Variants in CADM2 observed in about 807,000 individuals in gnomAD.
The protein encoded by CADM2 is cell adhesion molecule 2, also known as immunoglobulin superfamily member 4D.
In CADM2, 12 loss-of-function variants were observed where a neutral mutation model predicts 49.8. The ratio of observed to expected loss-of-function variants is 0.24; its 90% CI spans 0.15 to 0.39. CADM2 has a LOEUF of 0.39. CADM2 is among the 10% of genes least tolerant of loss of function. The pLI is 1.00. For missense variants in CADM2, 378 were observed against 492.3 expected, an observed-to-expected ratio of 0.77 and a Z score of 2.20; for synonymous variants, 214 against 175.4, an observed-to-expected ratio of 1.22 and a Z score of -1.74.
intron 8 of CADM2, among the ~76,000 whole-genome samples, chr3:86,010,183 G>A (rs1240521715): frequency 3.3e-5 from 5 of 151,826 alleles, no homozygotes; most frequent in African/African-American, 1.2e-4. Context: ...AAAACATATA[G>A]GGAATTACAA....
chr3:85,173,714 T>G (rs1381559079), intron 1 of CADM2, among the ~76,000 whole-genome samples: 1 of 152,200 alleles, frequency 6.6e-6, no homozygotes, highest in Non-Finnish European at 1.5e-5. Flanking sequence ...AACCCTGCAG[T>G]AATATGAACA....
At chr3:85,563,257 C>T (rs2062150143) in intron 1 of CADM2, among the ~76,000 whole-genome samples, 1 of 151,962 alleles carries the variant, frequency 6.6e-6, no homozygotes, top group Admixed American at 6.6e-5. Flanking sequence ...AATGTGCTTA[C>T]CATAAAACTG....
chr3:85,529,751 C>T (rs775032564), intron 1 of CADM2, among the ~76,000 whole-genome samples: 7 of 151,952 alleles, frequency 4.6e-5, no homozygotes, highest in Non-Finnish European at 8.8e-5. Flanking sequence ...TTCCACTATC[C>T]GGGCCTCTGG....
At chr3:85,323,118 AT>A (rs1190576098) in intron 1 of CADM2, among the ~76,000 whole-genome samples, 2 of 152,010 alleles carry the variant, frequency 1.3e-5, no homozygotes, top group African/African-American at 4.8e-5. Flanking sequence ...TAGAGCTCCC[AT>A]CTTCTTGGAA....
chr3:85,163,604 C>G (rs2040388417), intron 1 of CADM2, among the ~76,000 whole-genome samples: 1 of 151,978 alleles, frequency 6.6e-6, no homozygotes. Flanking sequence ...TACATATATA[C>G]CATCCACATA....
chr3:85,593,372 C>A (rs1441045531), intron 1 of CADM2, among the ~76,000 whole-genome samples: 1 of 151,950 alleles, frequency 6.6e-6, no homozygotes, highest in Admixed American at 6.6e-5. Context: ...TGAATACCAT[C>A]TCTGTCAATT....
chr3:85,745,866 A>G (rs2068596444), intron 2 of CADM2, among the ~76,000 whole-genome samples: 1 of 151,760 alleles, frequency 6.6e-6, no homozygotes, highest in South Asian at 2.1e-4. Flanking sequence ...TTCCTTGTTA[A>G]TTTCTCTTTT....
chr3:85,344,696 G>A (rs550184846), intron 1 of CADM2, among the ~76,000 whole-genome samples: 158 of 151,870 alleles, frequency 1.0e-3, no homozygotes, highest in Non-Finnish European at 1.5e-3. Context: ...AGCAAAAGAC[G>A]TGTTCATTCT....
Position 85,935,810 on chromosome 3 carries a change from A to G in CADM2, c.744A>G (p.Gln248=). 1.2e-6 allele frequency: 2 copies of G among 1,607,480 alleles called. No homozygotes were observed. Among genetic ancestry groups the G allele is most frequent in the South Asian group, 1.1e-5 (1 of 90,462 alleles). ...VKIIPSTPFP[Q]EGQPLILTCE... is the part of the protein sequence containing the mutation. ...TTATACCATCGACTCCTTTTCCACAAGAAGGACAGCCTTTAATTTTGACTT... is the reference window on the plus strand; with the variant it reads ...TTATACCATCGACTCCTTTTCCACAGGAAGGACAGCCTTTAATTTTGACTT... Residue 248 remains glutamine (Q), a synonymous_variant, in exon 7 of 10, where the codon CAA becomes CAG. Transcript: ENST00000383699.
chr3:85,599,224 C>T (rs1032097103), intron 1 of CADM2, among the ~76,000 whole-genome samples: 6 of 151,966 alleles, frequency 3.9e-5, no homozygotes, highest in African/African-American at 1.4e-4. Context: ...CCTTTTAGAA[C>T]TACTTAATAT....
chr3:85,290,892 A>C (rs945601636), intron 1 of CADM2, among the ~76,000 whole-genome samples: 23 of 152,346 alleles, frequency 1.5e-4, no homozygotes, highest in African/African-American at 3.6e-4. Flanking sequence ...TCTCCTTCTC[A>C]AAAGGAACGC....
intron 1 of CADM2, among the ~76,000 whole-genome samples, chr3:85,351,815 A>G (rs971103899): frequency 2.0e-5 from 3 of 152,114 alleles, no homozygotes; most frequent in African/African-American, 7.2e-5. Flanking sequence ...CATCTTTTTA[A>G]GGGAGACTGT....
At chr3:84,976,221 A>G (rs1339206202) in intron 1 of CADM2, among the ~76,000 whole-genome samples, 2 of 151,814 alleles carry the variant, frequency 1.3e-5, no homozygotes, top group Non-Finnish European at 3.0e-5. Context: ...TGAATTTGTC[A>G]TATCTACATG....
At chr3:85,362,666 G>A (rs916677346) in intron 1 of CADM2, among the ~76,000 whole-genome samples, 2 of 152,076 alleles carry the variant, frequency 1.3e-5, no homozygotes, top group Non-Finnish European at 2.9e-5. Context: ...TGGTGAATGG[G>A]GGAGCAAGTT....
chr3:85,196,169 C>T (rs1477834746), intron 1 of CADM2, among the ~76,000 whole-genome samples: 1 of 151,988 alleles, frequency 6.6e-6, no homozygotes, highest in Non-Finnish European at 1.5e-5. Context: ...AAACTTTTTT[C>T]TACCTCCAGC....
At chr3:85,929,852 A>G (rs1314828614) in intron 6 of CADM2, among the ~76,000 whole-genome samples, 2 of 152,020 alleles carry the variant, frequency 1.3e-5, no homozygotes, top group Non-Finnish European at 2.9e-5. Context: ...TTTTAGGATA[A>G]CATTGCTTAA....
intron 1 of CADM2, among the ~76,000 whole-genome samples, chr3:85,018,966 A>T (rs1391777817): frequency 6.6e-6 from 1 of 152,132 alleles, no homozygotes; most frequent in African/African-American, 2.4e-5. Context: ...AGCAGATGAA[A>T]GGAAATAAAC....
chr3:85,902,279 C>A (rs970913091), intron 5 of CADM2, among the ~76,000 whole-genome samples: 1 of 151,730 alleles, frequency 6.6e-6, no homozygotes, highest in African/African-American at 2.4e-5. Context: ...GAAATGTTCT[C>A]CATTATTTTA....
chr3:85,875,929 G>A (rs1005012147), intron 3 of CADM2, among the ~76,000 whole-genome samples: 14 of 152,118 alleles, frequency 9.2e-5, no homozygotes, highest in African/African-American at 2.4e-4. Flanking sequence ...CTTCCCATAG[G>A]TAGAACTTGG....
Sources: allele counts gnomAD v4.1 joint callset (sites outside exome capture counted in the v4.1 genomes callset), GRCh38; gene constraint gnomAD v4.1.1; transcripts MANE v1.5; gene names NCBI Gene and HGNC (gene_info 2026-07-23, HGNC 2026-07-21).